ZNF846: variants seen among roughly 807,000 people sequenced by gnomAD.
ZNF846 encodes zinc finger protein 420 pseudogene.
Under a neutral mutation model 16.0 loss-of-function variants are expected in ZNF846, and 15 were observed. That is an observed-to-expected ratio of 0.94 (90% CI 0.63 to 1.45). The LOEUF (loss-of-function observed/expected upper bound fraction) is 1.45. ZNF846 is among the 40% of genes most tolerant of loss of function. The pLI, the probability that ZNF846 is intolerant of heterozygous loss-of-function variation, is 0.00. For missense variants in ZNF846, 714 were observed against 622.3 expected (o/e 1.15, Z -1.57); for synonymous variants, 229 against 212.0 (o/e 1.08, Z -0.70).
At chr19:9,763,329 A>G in exon 3 of ZNF846, 1 of 1,611,878 alleles carries the variant, frequency 6.2e-7, no homozygotes, top group Non-Finnish European at 8.5e-7. Flanking sequence ...ATCTCTGTAG[A>G]GATCTCTCTG....
At chr19:9,749,231 T>G (rs1306895448), downstream of ZNF846, among the ~76,000 whole-genome samples, 1 of 152,190 alleles carries the variant, frequency 6.6e-6, no homozygotes, top group Non-Finnish European at 1.5e-5. Context: ...TTCATTCTAT[T>G]AGGTCTATTC....
chr19:9,758,597 G>C lies in ZNF846; in HGVS notation c.480C>G (p.Tyr160Ter), dbSNP rs977452460. 6.2e-7 allele frequency: 1 copy of C among 1,612,728 alleles called. No homozygotes were observed. The highest frequency in any genetic ancestry group is 8.5e-7 in the Non-Finnish European group (1 of 1,179,494). ...TTTTCCCCTCAGCATGACTTTTCTT[G>C]TAAAAACTATGAGGAAAGTTCTTTC... Residue 160 changes from tyrosine (Y) to a stop codon, truncating the protein, a stop_gained, in exon 6 of 6, where the codon TAC becomes TAG. Transcript: ENST00000397902. LOFTEE classifies it low-confidence loss of function (END_TRUNC).
intron 4 of ZNF846, among the ~76,000 whole-genome samples, chr19:9,760,820 G>C (rs1328098627): frequency 6.6e-6 from 1 of 151,658 alleles, no homozygotes; most frequent in Non-Finnish European, 1.5e-5. Flanking sequence ...AATCCGTAGA[G>C]AGAGAAAGCA....
chr19:9,771,853 C>T (rs567374334), upstream of ZNF846, among the ~76,000 whole-genome samples: 10 of 152,122 alleles, frequency 6.6e-5, no homozygotes, highest in East Asian at 1.9e-4. Context: ...CTGCAACCTC[C>T]GCCTCCTGGG....
chr19:9,757,352 A>C, downstream of ZNF846: 1 of 764,014 alleles, frequency 1.3e-6, no homozygotes, highest in Non-Finnish European at 2.1e-6. Context: ...ACTTGTGTCC[A>C]TGTTAAATTC....
chr19:9,782,122 C>T (rs907284889), intron 1 of ZNF846, among the ~76,000 whole-genome samples: 1 of 152,000 alleles, frequency 6.6e-6, no homozygotes, highest in Admixed American at 6.6e-5. Context: ...GAAGAACTTT[C>T]CCTCAATATT....
intron 1 of ZNF846, among the ~76,000 whole-genome samples, chr19:9,777,664 T>G (rs1419635364): frequency 9.0e-6 from 1 of 111,582 alleles, no homozygotes; most frequent in African/African-American, 5.7e-5. Context: ...AGTGAGACTC[T>G]GTCCAAAAAA....
At chr19:9,758,452 T>C in exon 6 of ZNF846, 2 of 1,613,476 alleles carry the variant, frequency 1.2e-6, no homozygotes, top group African/African-American at 1.3e-5. Context: ...GATGACTGAT[T>C]AAGAAAAGTT....
intron 1 of ZNF846, among the ~76,000 whole-genome samples, chr19:9,777,668 C>A (rs1202819641): frequency 2.9e-4 from 42 of 143,808 alleles, no homozygotes; most frequent in African/African-American, 9.2e-4. Context: ...AGACTCTGTC[C>A]AAAAAAAAAA....
downstream of ZNF846, chr19:9,756,584 T>C (rs1424563360): frequency 2.6e-5 from 4 of 151,224 alleles, no homozygotes; most frequent in Admixed American, 6.6e-5. Context: ...TATCTGAAAC[T>C]GTCAGAAATT....
At chr19:9,772,962 TG>T (rs1275064260), upstream of ZNF846, among the ~76,000 whole-genome samples, 1 of 151,706 alleles carries the variant, frequency 6.6e-6, no homozygotes, top group Non-Finnish European at 1.5e-5. Flanking sequence ...CAGGATGAAG[TG>T]GGAGGATTGC....
Position 9,779,760 on chromosome 19 carries a change from C to T in ZNF846, c.-86+6178G>A, listed in dbSNP as rs531249719. 2.0e-5 allele frequency among the ~76,000 whole-genome samples: 3 copies of T among 151,874 alleles called. No individual in the cohort carries two copies. The South Asian group carries it at 6.2e-4, about 32-fold the overall frequency. The stretch of plus-strand genomic sequence containing the variant: ...TAATTTTTTGTATTGTTAGTAGAGA[C>T]GAGGTTTCACCATGTTGGCCAGGCT... On this transcript the variant is annotated intron_variant, in intron 1 of 4. Transcript: ENST00000586814.
intron 4 of ZNF846, among the ~76,000 whole-genome samples, chr19:9,761,795 A>G (rs1027882691): frequency 2.0e-5 from 3 of 152,120 alleles, no homozygotes; most frequent in African/African-American, 7.2e-5. Flanking sequence ...AAGATGGGAG[A>G]ATCAAGAAAG....
upstream of ZNF846, among the ~76,000 whole-genome samples, chr19:9,772,675 T>C (rs1027289089): frequency 1.3e-5 from 2 of 151,666 alleles, no homozygotes; most frequent in African/African-American, 4.8e-5. Context: ...GATTCAAATA[T>C]GCTGTTAGCT....
chr19:9,779,386 A>C (rs2045478454), intron 1 of ZNF846, among the ~76,000 whole-genome samples: 1 of 152,004 alleles, frequency 6.6e-6, no homozygotes, highest in Non-Finnish European at 1.5e-5. Flanking sequence ...CTCCTGCCTC[A>C]GCCTCCCAAG....
At chr19:9,770,082 TTATCA>T (rs1438503220), upstream of ZNF846, among the ~76,000 whole-genome samples, 5 of 152,172 alleles carry the variant, frequency 3.3e-5, no homozygotes, top group Admixed American at 1.3e-4. Flanking sequence ...TGTGATACAA[TTATCA>T]TAGCATACAA....
intron 1 of ZNF846, among the ~76,000 whole-genome samples, chr19:9,767,311 T>C (rs1459607596): frequency 6.6e-6 from 1 of 151,856 alleles, no homozygotes; most frequent in East Asian, 1.9e-4. Flanking sequence ...AATTTTGTAT[T>C]TTTAGTAGAG....
downstream of ZNF846, among the ~76,000 whole-genome samples, chr19:9,750,835 A>G (rs1292251954): frequency 6.6e-6 from 1 of 152,182 alleles, no homozygotes; most frequent in Non-Finnish European, 1.5e-5. Flanking sequence ...CTCCAAGCCC[A>G]GGTTGACACT....
chr19:9,769,059 C>T (rs1033678749), upstream of ZNF846, among the ~76,000 whole-genome samples: 1 of 152,164 alleles, frequency 6.6e-6, no homozygotes, highest in Admixed American at 6.5e-5. Flanking sequence ...GGATGCTCAT[C>T]GAGTGCTTTT....
Sources: gnomAD v4.1 joint callset for allele counts (sites outside exome capture counted in the v4.1 genomes callset) on GRCh38, gnomAD v4.1.1 for gene constraint, MANE v1.5 for transcripts, NCBI Gene and HGNC (gene_info 2026-07-23, HGNC 2026-07-21) for gene names.